The following TREM1 variants were observed in gnomAD, a reference collection of about 807,000 sequenced individuals.
The protein encoded by TREM1 is triggering receptor expressed on monocytes 1.
A neutral mutation model predicts 22.4 loss-of-function variants in TREM1; 16 were observed. The ratio of observed to expected loss-of-function variants is 0.71; its 90% CI spans 0.48 to 1.08. TREM1 has a LOEUF of 1.08. Among genes scored for constraint, TREM1 ranks in the 50% least tolerant of loss-of-function variants. The pLI is 0.00. For synonymous variants in TREM1, 110 were observed against 111.6 expected (o/e 0.99, Z 0.09); for missense variants, 283 against 282.9 (o/e 1.00, Z 0.00).
downstream of TREM1, among the ~76,000 whole-genome samples, chr6:41,272,974 T>A (rs987333773): frequency 2.0e-5 from 3 of 152,174 alleles, no homozygotes; most frequent in Non-Finnish European, 2.9e-5. Context: ...TGCAGAGTTC[T>A]GCTTCCCCTT....
intron 3 of TREM1, 106 bp from the exon 4 acceptor site, chr6:41,276,336 CTTGCTCCACCT>C (rs1453474623): frequency 6.4e-6 from 5 of 781,512 alleles, no homozygotes; most frequent in Non-Finnish European, 1.1e-5. Context: ...TGCTTAGATC[CTTGCTCCACCT>C]TTCCCGCACT....
chr6:41,280,893 C>T (rs777897388), intron 3 of TREM1, 68 bp downstream of exon 3: 2 of 1,610,766 alleles, frequency 1.2e-6, no homozygotes, highest in Non-Finnish European at 1.7e-6. Flanking sequence ...CACATCCTCT[C>T]AGCACACAGA....
At chr6:41,283,300 C>G (rs1201733659) in intron 1 of TREM1, among the ~76,000 whole-genome samples, 8 of 152,160 alleles carry the variant, frequency 5.3e-5, no homozygotes, top group Admixed American at 3.9e-4. Flanking sequence ...ACTCCTTTTT[C>G]CCTTCCTTGG....
At chr6:41,277,216 C>T (rs1318397127) in intron 3 of TREM1, among the ~76,000 whole-genome samples, 1 of 152,090 alleles carries the variant, frequency 6.6e-6, no homozygotes, top group Admixed American at 6.5e-5. Context: ...AGGGAAACGG[C>T]GTAAAGGAGC....
chr6:41,276,612 C>A (rs1322732121), intron 3 of TREM1, among the ~76,000 whole-genome samples: 1 of 152,024 alleles, frequency 6.6e-6, no homozygotes, highest in Non-Finnish European at 1.5e-5. Context: ...ACCTATAAAC[C>A]GAGAAGAATC....
Position 41,275,943 on chromosome 6 carries a change from G to C in TREM1, c.*182C>G. 1 of 593,820 alleles carries C rather than the reference G, an allele frequency of 1.7e-6. No individual in the cohort carries two copies. The highest frequency in any genetic ancestry group is 3.0e-6 in the Non-Finnish European group (1 of 332,140). 36.8% of individuals were successfully genotyped at this position (593,820 alleles called of 1,614,324 possible). On this transcript the variant is annotated 3_prime_UTR_variant, in exon 4 of 4. Coordinates refer to ENST00000244709, the MANE Select transcript of TREM1 (RefSeq NM_018643.5). Reference sequence around the variant, plus strand: ...TTCTGAGGCACAAATGCCCACCCAAGATTATTAGAGGAACGAGGGCAGTGG... The same window carrying C: ...TTCTGAGGCACAAATGCCCACCCAACATTATTAGAGGAACGAGGGCAGTGG...
chr6:41,279,174 C>T (rs1767794693), intron 3 of TREM1, among the ~76,000 whole-genome samples: 1 of 152,212 alleles, frequency 6.6e-6, no homozygotes, highest in Non-Finnish European at 1.5e-5. Context: ...GGCGCCAATT[C>T]ACCTTAGCCT....
downstream of TREM1, among the ~76,000 whole-genome samples, chr6:41,272,477 A>G (rs2113970784): frequency 6.6e-6 from 1 of 152,238 alleles, no homozygotes; most frequent in Middle Eastern, 3.4e-3. Flanking sequence ...ACCCCGCACC[A>G]TGGTTCCCAA....
At position 41,286,462 on chromosome 6, in the gene TREM1, A is replaced by G. The variant is rs575470019; in HGVS notation, c.49+145T>C. 2.2e-4 allele frequency: 162 copies of G among 733,494 alleles called. 3 individuals are homozygous for G. Among genetic ancestry groups the G allele is most frequent in the Admixed American group, 5.8e-4 (23 of 39,636 alleles). The allele number at this position is 733,494 out of a possible 1,614,324, so 45.4% of individuals were successfully genotyped here. On this transcript the variant is annotated intron_variant, in intron 1 of 3. Transcript: ENST00000244709. ...GTGTGCAGACACTGCATGTTCTCCC[A>G]ATTCTGGGTAGAGCAGCACGGTCTG...
intron 1 of TREM1, among the ~76,000 whole-genome samples, chr6:41,285,941 T>TGACA (rs1768147830): frequency 6.6e-6 from 1 of 152,224 alleles, no homozygotes; most frequent in Non-Finnish European, 1.5e-5. Context: ...TTTCCTCCTG[T>TGACA]TATTCATAAG....
rs1046491280 is a variant in TREM1, at chr6:41,276,246, G to A, written c.600-16C>T. On this transcript the variant is annotated splice_polypyrimidine_tract_variant and intron_variant, in intron 3 of 3. Transcript: ENST00000244709. ...CACCGGAACCCTGCGGGAGACAAGA[G>A]GCTGAACGCTACTGCTGGCAAAGTC... 6.2e-7 allele frequency: 1 copy of A among 1,601,240 alleles called. No homozygotes were observed. The highest frequency in any genetic ancestry group is 8.6e-7 in the Non-Finnish European group (1 of 1,168,566).
chr6:41,268,398 C>T (rs945012203), intron 3 of TREM1, among the ~76,000 whole-genome samples: 2 of 152,222 alleles, frequency 1.3e-5, no homozygotes, highest in Admixed American at 6.5e-5. Flanking sequence ...TGCGCTCAGT[C>T]TTTCTCAACC....
At chr6:41,279,738 T>A (rs1474188983) in intron 3 of TREM1, 2 of 985,318 alleles carry the variant, frequency 2.0e-6, no homozygotes, top group Non-Finnish European at 2.4e-6. Flanking sequence ...AAAGACTAAA[T>A]CCGTGTCTGT....
At chr6:41,285,809 A>G (rs1017161956) in intron 1 of TREM1, among the ~76,000 whole-genome samples, 1 of 152,250 alleles carries the variant, frequency 6.6e-6, no homozygotes, top group Non-Finnish European at 1.5e-5. Context: ...GCAATGTCTG[A>G]GCACAGGCTC....
intron 2 of TREM1, chr6:41,281,987 G>C: frequency 4.8e-6 from 1 of 209,020 alleles, no homozygotes; most frequent in Admixed American, 5.2e-5. Flanking sequence ...CATTCAGTTG[G>C]AGTGTGCATT....
Position 41,282,488 on chromosome 6 carries a change from C to G in TREM1, c.313G>C (p.Val105Leu), listed in dbSNP as rs1224195135. The G allele has an allele frequency of 6.2e-7, 1 of 1,614,074 alleles. No homozygotes were observed. Among genetic ancestry groups the G allele is most frequent in the Admixed American group, 1.7e-5 (1 of 60,006 alleles). The change falls in exon 2 of 4, where the codon GTG (valine) becomes CTG (leucine). Residue 105 changes from valine to leucine, a missense_variant. Val to Leu is a conservative substitution (Grantham distance 32, BLOSUM62 1). Coordinates refer to ENST00000244709, the MANE Select transcript of TREM1 (RefSeq NM_018643.5). The stretch of plus-strand genomic sequence containing the variant: ...CACTGATACAGTCCAGAATCTTCCA[C>G]TTGAAGGTTGACCATTCGGACGCGC... ...LLRVRMVNLQ[V>L]EDSGLYQCVI...
At chr6:41,286,472 A>G (rs1038016902) in intron 1 of TREM1, 135 bp downstream of exon 1, 2 of 772,798 alleles carry the variant, frequency 2.6e-6, no homozygotes, top group African/African-American at 1.8e-5. Context: ...AATTCTGGGT[A>G]GAGCAGCACG....
At chr6:41,273,419 G>A (rs1767544918), downstream of TREM1, among the ~76,000 whole-genome samples, 1 of 152,162 alleles carries the variant, frequency 6.6e-6, no homozygotes, top group South Asian at 2.1e-4. Context: ...GCACTATCAT[G>A]CCCATTAAGG....
rs535962412 is a variant in TREM1, at chr6:41,275,036, A to T, written c.*1089T>A. The stretch of plus-strand genomic sequence containing the variant: ...CTGATTGAAATCTGTGGGAGATTGC[A>T]AGACAATCTCCCACAGAGATTGTCT... On this transcript the variant is annotated 3_prime_UTR_variant, in exon 4 of 4. Coordinates refer to ENST00000244709, the MANE Select transcript of TREM1 (RefSeq NM_018643.5). 1.3e-5 allele frequency among the ~76,000 whole-genome samples: 2 copies of T among 151,668 alleles called. No individual in the cohort carries two copies. Among genetic ancestry groups the T allele is most frequent in the Middle Eastern group, 3.4e-3 (1 of 294 alleles).
Sources: allele counts gnomAD v4.1 joint callset (sites outside exome capture counted in the v4.1 genomes callset), GRCh38; gene constraint gnomAD v4.1.1; transcripts MANE v1.5; gene names NCBI Gene and HGNC (gene_info 2026-07-23, HGNC 2026-07-21).